The following CDH13 variants were observed in gnomAD, a reference collection of about 807,000 sequenced individuals.
CDH13 encodes cadherin 13.
In CDH13, 24 loss-of-function variants were observed where a neutral mutation model predicts 63.8. That is an observed-to-expected ratio of 0.38 (90% confidence interval 0.27 to 0.53). The LOEUF (loss-of-function observed/expected upper bound fraction) is 0.53. Ranked by LOEUF, CDH13 falls within the 20% of genes least tolerant of loss-of-function variation. The probability of loss-of-function intolerance (pLI) is 0.85; values close to 1 mark genes in which losing one functional copy is unlikely to be tolerated. For synonymous variants in CDH13, 503 were observed against 355.3 expected, an observed-to-expected ratio of 1.42 and a Z score of -4.67; for missense variants, 1,049 against 903.1, an observed-to-expected ratio of 1.16 and a Z score of -2.07.
At chr16:83,247,633 A>C (rs1905100927) in intron 5 of CDH13, among the ~76,000 whole-genome samples, 1 of 152,178 alleles carries the variant, frequency 6.6e-6, no homozygotes. Context: ...ATTTTTCATG[A>C]AGCCTGAGGG....
At chr16:82,713,432 A>G (rs2032109224) in intron 1 of CDH13, among the ~76,000 whole-genome samples, 3 of 152,082 alleles carry the variant, frequency 2.0e-5, no homozygotes, top group Admixed American at 6.5e-5. Flanking sequence ...GGGCTGGAGT[A>G]TGCGTCCCCC....
chr16:83,188,204 C>G (rs557394042), intron 4 of CDH13, among the ~76,000 whole-genome samples: 13 of 152,248 alleles, frequency 8.5e-5, no homozygotes, highest in African/African-American at 2.4e-4. Flanking sequence ...TTGAATGGCT[C>G]TGGCTGACGG....
chr16:82,972,307 C>A (rs1226726517), intron 2 of CDH13, among the ~76,000 whole-genome samples: 1 of 152,146 alleles, frequency 6.6e-6, no homozygotes, highest in African/African-American at 2.4e-5. Flanking sequence ...GGTGTGAGAG[C>A]TGTGTTTGGG....
chr16:83,682,219 G>A (rs1014412054), intron 10 of CDH13, among the ~76,000 whole-genome samples: 9 of 152,074 alleles, frequency 5.9e-5, no homozygotes, highest in East Asian at 5.8e-4. Context: ...AGATGATTCC[G>A]GGCAGGCTGC....
chr16:82,751,841 C>T (rs8048570), intron 1 of CDH13, among the ~76,000 whole-genome samples: 167 of 152,160 alleles, frequency 1.1e-3, no homozygotes, highest in Non-Finnish European at 2.0e-3. Context: ...TGTTGGTGAG[C>T]GGATGAGAAA....
chr16:83,593,212 A>AAATG (rs1294458045), intron 7 of CDH13, among the ~76,000 whole-genome samples: 1 of 152,228 alleles, frequency 6.6e-6, no homozygotes, highest in Admixed American at 6.5e-5. Flanking sequence ...GCTAAAGAGG[A>AAATG]AACGAATGAA....
chr16:82,662,305 C>T (rs372356916), intron 1 of CDH13, among the ~76,000 whole-genome samples: 8 of 150,166 alleles, frequency 5.3e-5, no homozygotes, highest in African/African-American at 9.8e-5. Context: ...ACCAAATTGT[C>T]GGCATTAGTT....
intron 5 of CDH13, among the ~76,000 whole-genome samples, chr16:83,256,713 C>CG (rs1278886998): frequency 6.7e-6 from 1 of 149,312 alleles, no homozygotes. Context: ...GGCATGGTGG[C>CG]GGCTGCCTGT....
At chr16:83,752,740 A>T (rs140424511) in intron 11 of CDH13, among the ~76,000 whole-genome samples, 18 of 152,340 alleles carry the variant, frequency 1.2e-4, no homozygotes, top group African/African-American at 4.1e-4. Context: ...TTTTCTACAT[A>T]TACAAAATGA....
At chr16:82,776,414 A>C (rs1329087832) in intron 1 of CDH13, among the ~76,000 whole-genome samples, 3 of 152,194 alleles carry the variant, frequency 2.0e-5, no homozygotes, top group Non-Finnish European at 4.4e-5. Flanking sequence ...AATTAGCTGG[A>C]GTGCTTTATT....
chr16:83,743,768 C>CTTTTTTTTTTTTTTATT (rs57379661), intron 10 of CDH13, among the ~76,000 whole-genome samples: 1 of 106,076 alleles, frequency 9.4e-6, no homozygotes, highest in Non-Finnish European at 1.7e-5. Flanking sequence ...TTTTTTTTTT[C>CTTTTTTTTTTTTTTATT]TTTGCTTTTT....
Position 83,363,454 on chromosome 16 carries a change from C to G in CDH13, c.781+18448C>G, listed in dbSNP as rs112423619. Among the ~76,000 whole-genome samples, 1,005 of 152,286 alleles carry G rather than the reference C, an allele frequency of 6.6e-3. 20 individuals carry two copies. Among genetic ancestry groups the G allele is most frequent in the African/African-American group, 0.023 (959 of 41,568 alleles). ...ATTTGGGGTTAGCCTGTGAGTGGTC[C>G]TCACACTGTACCCAAAAGTTAAGAG... On this transcript the variant is annotated intron_variant, in intron 6 of 13. Coordinates refer to ENST00000567109, the MANE Select transcript of CDH13 (RefSeq NM_001257.5).
chr16:83,465,626 G>A (rs560000888), intron 6 of CDH13, among the ~76,000 whole-genome samples: 21 of 152,310 alleles, frequency 1.4e-4, no homozygotes, highest in Non-Finnish European at 2.6e-4. Context: ...TGCCTGTGTC[G>A]TTCTAGTGTT....
intron 5 of CDH13, among the ~76,000 whole-genome samples, chr16:83,273,208 A>G (rs1453050921): frequency 6.6e-6 from 1 of 152,026 alleles, no homozygotes; most frequent in Non-Finnish European, 1.5e-5. Flanking sequence ...GGTGCAGGGG[A>G]TACATGTGCA....
chr16:82,842,579 G>A (rs75784874), intron 1 of CDH13, among the ~76,000 whole-genome samples: 1,885 of 152,152 alleles, frequency 0.012, 35 homozygotes, highest in African/African-American at 0.042. Flanking sequence ...TTTCTATGAG[G>A]TCAGAAGTCC....
At chr16:82,979,683 A>C (rs1388480145) in intron 2 of CDH13, among the ~76,000 whole-genome samples, 1 of 152,158 alleles carries the variant, frequency 6.6e-6, no homozygotes, top group Non-Finnish European at 1.5e-5. Context: ...TCTTTCCTTT[A>C]TAAATTACCC....
At chr16:83,138,847 C>A (rs1040763778) in intron 4 of CDH13, among the ~76,000 whole-genome samples, 4 of 151,894 alleles carry the variant, frequency 2.6e-5, no homozygotes, top group African/African-American at 9.7e-5. Context: ...AGGGGAGAGG[C>A]AGAAGGACTG....
At chr16:83,678,497 G>A (rs373169457) in intron 10 of CDH13, 36 bp downstream of exon 10, 12 of 1,610,896 alleles carry the variant, frequency 7.4e-6, no homozygotes, top group Middle Eastern at 1.7e-4. Context: ...GACGGGAGGT[G>A]GGCAGGAATG....
intron 2 of CDH13, among the ~76,000 whole-genome samples, chr16:82,970,802 C>A (rs557690988): frequency 6.6e-6 from 1 of 152,258 alleles, no homozygotes; most frequent in East Asian, 1.9e-4. Context: ...TTAGAGCATT[C>A]ATTAGTATTA....
Sources: allele counts gnomAD v4.1 joint callset (sites outside exome capture counted in the v4.1 genomes callset), GRCh38; gene constraint gnomAD v4.1.1; transcripts MANE v1.5; gene names NCBI Gene and HGNC (gene_info 2026-07-23, HGNC 2026-07-21).